Variants in USP38 observed in about 807,000 individuals in gnomAD.
The protein encoded by USP38 is ubiquitin specific peptidase 38.
A neutral mutation model predicts 94.3 loss-of-function variants in USP38; 49 were observed. That is an observed-to-expected ratio of 0.52 (90% CI 0.41 to 0.66). The LOEUF is 0.66. USP38 is among the 30% of genes least tolerant of loss of function. USP38 has a pLI of 0.00. For missense variants in USP38, 1,128 were observed against 1,229.4 expected (o/e 0.92, Z 1.23); for synonymous variants, 468 against 463.6 (o/e 1.01, Z -0.12).
At chr4:143,190,910 T>C (rs1581155586) in intron 2 of USP38, among the ~76,000 whole-genome samples, 1 of 152,164 alleles carries the variant, frequency 6.6e-6, no homozygotes, top group Non-Finnish European at 1.5e-5. Context: ...CTCTTAATTT[T>C]CCAGCCTCTT....
At chr4:143,204,259 C>T (rs1040976175) in intron 5 of USP38, among the ~76,000 whole-genome samples, 4 of 152,160 alleles carry the variant, frequency 2.6e-5, no homozygotes, top group Non-Finnish European at 5.9e-5. Context: ...GGATTACAGG[C>T]GTGAGCCACT....
At position 143,220,836 on chromosome 4, in the gene USP38, T is replaced by TA. The variant is rs571431879; in HGVS notation, c.*389dup. 0.011 allele frequency: 1,695 copies of TA among 153,824 alleles called. 37 individuals carry two copies. The highest frequency in any genetic ancestry group is 0.038 in the African/African-American group (1,574 of 41,472). 9.5% of individuals were successfully genotyped at this position (153,824 alleles called of 1,614,324 possible). On this transcript the variant is annotated 3_prime_UTR_variant, in exon 10 of 10. Coordinates refer to ENST00000307017, the MANE Select transcript of USP38 (RefSeq NM_032557.6). ...TTTATAAAAGAATTGATGCTAGAGG[T>TA]AAAAAAAAATACTTGTTTTTAAAAA... is the stretch of plus-strand genomic sequence containing the variant.
intron 8 of USP38, among the ~76,000 whole-genome samples, chr4:143,212,733 A>G (rs1316712467): frequency 6.6e-6 from 1 of 152,084 alleles, no homozygotes; most frequent in African/African-American, 2.4e-5. Flanking sequence ...TTTTCTTTAT[A>G]TGCTTCATCC....
At chr4:143,218,191 A>G (rs1292074091) in intron 9 of USP38, among the ~76,000 whole-genome samples, 1 of 152,074 alleles carries the variant, frequency 6.6e-6, no homozygotes, top group Non-Finnish European at 1.5e-5. Flanking sequence ...TCAGAAGAGT[A>G]TATTCAATAT....
intron 1 of USP38, among the ~76,000 whole-genome samples, 179 bp downstream of exon 1, chr4:143,186,311 C>T (rs936936036): frequency 6.6e-6 from 1 of 152,184 alleles, no homozygotes; most frequent in African/African-American, 2.4e-5. Context: ...TCACATCGTA[C>T]TTTAAAAACA....
At chr4:143,203,312 C>A in intron 4 of USP38, 96 bp from the exon 5 acceptor site, 1 of 1,209,786 alleles carries the variant, frequency 8.3e-7, no homozygotes, top group Non-Finnish European at 1.2e-6. Flanking sequence ...AGAAAAGTAT[C>A]TGCTGATCAT....
In USP38 at chr4:143,213,711, A is replaced by C. The variant is rs1271384931; in HGVS notation, c.1735A>C (p.Ser579Arg). 1 of 1,613,794 alleles carries C rather than the reference A, an allele frequency of 6.2e-7. No homozygotes were observed. Among genetic ancestry groups the C allele is most frequent in the East Asian group, 2.2e-5 (1 of 44,838 alleles). Residue 579 changes from serine (S) to arginine (R), a missense_variant, in exon 9 of 10, where the codon AGT becomes CGT. Ser to Arg is a moderately radical substitution (Grantham distance 110). Transcript: ENST00000307017. ...AAVLTETPRT[S>R]DGEKTLIEKM... ...AGTACTAACAGAGACCCCTCGTACA[A>C]GTGACGGTGAGAAGACTTTAATAGA...
intron 7 of USP38, among the ~76,000 whole-genome samples, chr4:143,211,048 G>A (rs529941427): frequency 1.9e-4 from 29 of 151,908 alleles, no homozygotes; most frequent in Non-Finnish European, 3.8e-4. Flanking sequence ...ATTGATTTTT[G>A]TGCTTTATCA....
chr4:143,211,741 A>C (rs1732029937), intron 7 of USP38, among the ~76,000 whole-genome samples: 1 of 152,154 alleles, frequency 6.6e-6, no homozygotes. Flanking sequence ...CCAGAGTCCA[A>C]AGTTTAATCA....
rs774929823 is a variant in USP38 at position 143,185,447 on chromosome 4, G to A, written c.-4G>A. On this transcript the variant is annotated 5_prime_UTR_variant, in exon 1 of 10. Transcript: ENST00000307017. ...CCTGGCCCTGGCCTTGCAGCGTGGC[G>A]ACAATGGACAAGATCCTGGAGGGCC... 1 of 1,571,760 alleles carries A rather than the reference G, an allele frequency of 6.4e-7. No individual in the cohort carries two copies. The highest frequency in any genetic ancestry group is 8.7e-7 in the Non-Finnish European group (1 of 1,155,524).
intron 5 of USP38, among the ~76,000 whole-genome samples, chr4:143,204,865 A>G (rs1731816616): frequency 6.6e-6 from 1 of 152,204 alleles, no homozygotes. Flanking sequence ...TTCAACATAA[A>G]GGTCTTATTA....
Position 143,221,782 on chromosome 4 carries a change from G to C in USP38, c.*1326G>C, listed in dbSNP as rs978740286. On this transcript the variant is annotated 3_prime_UTR_variant, in exon 10 of 10. Coordinates refer to ENST00000307017, the MANE Select transcript of USP38 (RefSeq NM_032557.6). Reference sequence around the variant, plus strand: ...TTTGAAAACACTTTAAGGAAACAATGTTCTTCGATGATTTGGGGTTTATCT... The same window carrying C: ...TTTGAAAACACTTTAAGGAAACAATCTTCTTCGATGATTTGGGGTTTATCT... 2.6e-5 allele frequency: 4 copies of C among 152,090 alleles called. No individual in the cohort carries two copies. Among genetic ancestry groups the C allele is most frequent in the Non-Finnish European group, 2.9e-5 (2 of 67,968 alleles). The allele number at this position is 152,090 out of a possible 1,614,324, so 9.4% of individuals were successfully genotyped here. A position where few individuals can be genotyped will look rare whatever the true frequency, so the allele number is the denominator to read the frequency against.
At chr4:143,215,269 A>G (rs2149613204) in intron 9 of USP38, 1 of 271,164 alleles carries the variant, frequency 3.7e-6, no homozygotes, top group East Asian at 8.9e-5. Flanking sequence ...CTCACCCACC[A>G]GAGGAAATAA....
In USP38 at chr4:143,222,950, A is replaced by G. The variant is rs1356734813; in HGVS notation, c.*2494A>G. The G allele has an allele frequency of 6.6e-6, 1 of 152,090 alleles. No individual in the cohort carries two copies. Among genetic ancestry groups the G allele is most frequent in the Non-Finnish European group, 1.5e-5 (1 of 67,980 alleles). The allele number at this position is 152,090 out of a possible 1,614,324, so 9.4% of individuals were successfully genotyped here. On this transcript the variant is annotated 3_prime_UTR_variant, in exon 10 of 10. Coordinates refer to ENST00000307017, the MANE Select transcript of USP38 (RefSeq NM_032557.6). The stretch of plus-strand genomic sequence containing the variant: ...GTACTATTGTTGTTTTTCTTTCCTT[A>G]GTCAGAGTAATCAGTTTAAATGAAG...
At position 143,212,264 on chromosome 4, in the gene USP38, T is replaced by G. The variant is rs533326310; in HGVS notation, c.1498-54T>G. 2.2e-5 allele frequency: 31 copies of G among 1,399,814 alleles called. No homozygotes were observed. The African/African-American group carries it at 4.1e-4, about 18-fold the overall frequency. 86.7% of individuals were successfully genotyped at this position (1,399,814 alleles called of 1,614,324 possible). A position where few individuals can be genotyped will look rare whatever the true frequency, so the allele number is the denominator to read the frequency against. Reference sequence around the variant, plus strand: ...CACTGTATATTAAGATTTCAGTTACTTGGTTCATGCTATAAGAATCACTTC... The same window carrying G: ...CACTGTATATTAAGATTTCAGTTACGTGGTTCATGCTATAAGAATCACTTC... On this transcript the variant is annotated intron_variant, in intron 7 of 9. Transcript: ENST00000307017.
At chr4:143,189,134 G>T (rs182128243) in intron 2 of USP38, among the ~76,000 whole-genome samples, 2 of 151,920 alleles carry the variant, frequency 1.3e-5, no homozygotes, top group African/African-American at 4.8e-5. Flanking sequence ...GCTTCACTAA[G>T]GTAACCATGA....
intron 4 of USP38, among the ~76,000 whole-genome samples, chr4:143,201,273 A>G (rs1731707013): frequency 2.0e-5 from 3 of 152,212 alleles, no homozygotes; most frequent in Admixed American, 6.5e-5. Context: ...AAAACAAGCA[A>G]TGGGGAAAAG....
Position 143,185,517 on chromosome 4 carries a change from C to T in USP38, c.67C>T (p.Arg23Trp). ...CCTGCCCCTCAAGCGGGTGATTGTG[C>T]GGAAGGTGGTGGAATCGGCGGAGCA... ...HPLPLKRVIVRKVVESAEHWL... is the reference protein window; with the variant it reads ...HPLPLKRVIVWKVVESAEHWL... The change falls in exon 1 of 10, where the codon CGG (arginine) becomes TGG (tryptophan). Residue 23 changes from arginine to tryptophan, a missense_variant. By Grantham distance (101) the Arg-to-Trp change is moderately radical (BLOSUM62 -3). Coordinates refer to ENST00000307017, the MANE Select transcript of USP38 (RefSeq NM_032557.6). 2.5e-6 allele frequency: 4 copies of T among 1,612,180 alleles called. No homozygotes were observed. Among genetic ancestry groups the T allele is most frequent in the East Asian group, 2.2e-5 (1 of 44,844 alleles).
intron 6 of USP38, among the ~76,000 whole-genome samples, chr4:143,208,113 G>A (rs1025144937): frequency 1.3e-5 from 2 of 151,940 alleles, no homozygotes; most frequent in African/African-American, 4.8e-5. Flanking sequence ...TTCTTTTCCA[G>A]CCACTTGCTT....
Sources: gnomAD v4.1 joint callset for allele counts (sites outside exome capture counted in the v4.1 genomes callset) on GRCh38, gnomAD v4.1.1 for gene constraint, MANE v1.5 for transcripts, NCBI Gene and HGNC (gene_info 2026-07-23, HGNC 2026-07-21) for gene names.